DOCK3: variants seen among roughly 807,000 people sequenced by gnomAD.
DOCK3 encodes dedicator of cytokinesis protein 3.
Under a neutral mutation model 265.6 loss-of-function variants are expected in DOCK3, and 60 were observed. That is an observed-to-expected ratio of 0.23 (90% CI 0.18 to 0.28). The LOEUF is 0.28. DOCK3 is among the 10% of genes least tolerant of loss of function. The pLI is 1.00. For synonymous variants in DOCK3, 881 were observed against 938.0 expected (o/e 0.94, Z 1.11); for missense variants, 1,981 against 2,594.3 (o/e 0.76, Z 5.14).
intron 5 of DOCK3, among the ~76,000 whole-genome samples, chr3:51,033,082 A>G: frequency 6.6e-6 from 1 of 152,156 alleles, no homozygotes; most frequent in Non-Finnish European, 1.5e-5. Flanking sequence ...CCCTTTAAAG[A>G]TTTTTTAAGA....
intron 5 of DOCK3, among the ~76,000 whole-genome samples, chr3:50,974,581 C>T (rs1302475869): frequency 2.7e-5 from 4 of 150,622 alleles, no homozygotes; most frequent in Non-Finnish European, 1.5e-5. Flanking sequence ...TGTGATGTCT[C>T]CAGCTTTGTT....
chr3:50,700,368 C>G (rs2035956880), intron 1 of DOCK3, among the ~76,000 whole-genome samples: 1 of 152,230 alleles, frequency 6.6e-6, no homozygotes, highest in Non-Finnish European at 1.5e-5. Context: ...CTGTCCAGTG[C>G]TAGAACTTAT....
chr3:51,186,518 G>T (rs990144893), intron 12 of DOCK3, among the ~76,000 whole-genome samples: 2 of 152,236 alleles, frequency 1.3e-5, no homozygotes, highest in African/African-American at 4.8e-5. Context: ...ATTTGCATAA[G>T]TAATGAGGAG....
intron 12 of DOCK3, among the ~76,000 whole-genome samples, chr3:51,173,170 G>A (rs1456317021): frequency 6.6e-6 from 1 of 152,020 alleles, no homozygotes; most frequent in East Asian, 1.9e-4. Context: ...ACCCAGGCTG[G>A]AGCACAGTGG....
At chr3:50,691,955 G>A (rs547366304) in intron 1 of DOCK3, among the ~76,000 whole-genome samples, 2 of 145,458 alleles carry the variant, frequency 1.4e-5, no homozygotes, top group African/African-American at 2.6e-5. Context: ...TTGCTCTGTC[G>A]CCAGGCTGGA....
chr3:50,977,396 C>T (rs1258805399), intron 5 of DOCK3, among the ~76,000 whole-genome samples: 1 of 152,004 alleles, frequency 6.6e-6, no homozygotes, highest in East Asian at 1.9e-4. Context: ...TTCTCCTTCA[C>T]TTATGAAGCT....
At chr3:51,041,177 TATATATATATATATATATATATATA>T (rs1559977340) in intron 5 of DOCK3, among the ~76,000 whole-genome samples, 11 of 11,330 alleles carry the variant, frequency 9.7e-4, no homozygotes, top group African/African-American at 3.2e-3. Context: ...TATATATATA[TATATATATATATATATATATATATA>T]TATTTTTTTT....
At chr3:51,099,639 C>A (rs2083001702) in intron 9 of DOCK3, among the ~76,000 whole-genome samples, 1 of 152,178 alleles carries the variant, frequency 6.6e-6, no homozygotes, top group Non-Finnish European at 1.5e-5. Context: ...TATTTATGCA[C>A]CAAATGTTTA....
intron 1 of DOCK3, among the ~76,000 whole-genome samples, chr3:50,689,951 T>G (rs1016816227): frequency 6.6e-6 from 1 of 152,188 alleles, no homozygotes; most frequent in Admixed American, 6.5e-5. Flanking sequence ...TGTCTCTAGA[T>G]GTACAAAAAT....
intron 12 of DOCK3, among the ~76,000 whole-genome samples, chr3:51,188,667 A>G (rs1024460830): frequency 6.6e-6 from 1 of 152,142 alleles, no homozygotes; most frequent in Non-Finnish European, 1.5e-5. Flanking sequence ...TAGTTCCCAC[A>G]TGTAAGTGAG....
At chr3:50,861,870 TA>T (rs1553686378) in intron 3 of DOCK3, among the ~76,000 whole-genome samples, 1 of 151,414 alleles carries the variant, frequency 6.6e-6, no homozygotes, top group Non-Finnish European at 1.5e-5. Flanking sequence ...TTTTTTTTTT[TA>T]AATACAAATT....
chr3:50,724,391 C>T (rs1036219894), intron 1 of DOCK3, among the ~76,000 whole-genome samples: 1 of 152,140 alleles, frequency 6.6e-6, no homozygotes, highest in Non-Finnish European at 1.5e-5. Flanking sequence ...CACATGCACA[C>T]GTATGTTTAT....
chr3:50,923,711 A>C (rs924200539), intron 4 of DOCK3, among the ~76,000 whole-genome samples: 5 of 152,228 alleles, frequency 3.3e-5, no homozygotes, highest in Admixed American at 6.5e-5. Context: ...ACCTGGTCAC[A>C]GAAATTAATT....
At chr3:51,273,835 A>G (rs2080651944) in intron 24 of DOCK3, among the ~76,000 whole-genome samples, 1 of 152,238 alleles carries the variant, frequency 6.6e-6, no homozygotes, top group African/African-American at 2.4e-5. Flanking sequence ...CATGCTAGCC[A>G]GATATGATGG....
At chr3:50,869,560 T>C (rs1323614663) in intron 3 of DOCK3, among the ~76,000 whole-genome samples, 1 of 151,364 alleles carries the variant, frequency 6.6e-6, no homozygotes, top group Non-Finnish European at 1.5e-5. Context: ...TTGGTAGAGA[T>C]GGGGTTTTGC....
At chr3:50,871,326 A>T (rs2047421255) in intron 3 of DOCK3, among the ~76,000 whole-genome samples, 1 of 151,476 alleles carries the variant, frequency 6.6e-6, no homozygotes, top group South Asian at 2.1e-4. Context: ...CAGCACTTTA[A>T]ATATGTTATG....
chr3:50,750,740 C>T (rs2039747766), intron 1 of DOCK3, among the ~76,000 whole-genome samples: 1 of 152,048 alleles, frequency 6.6e-6, no homozygotes, highest in Non-Finnish European at 1.5e-5. Context: ...TTATTCATGG[C>T]CAGTTTTGTG....
At chr3:51,023,344 T>G (rs1335956858) in intron 5 of DOCK3, among the ~76,000 whole-genome samples, 1 of 152,170 alleles carries the variant, frequency 6.6e-6, no homozygotes, top group East Asian at 1.9e-4. Flanking sequence ...TTGTTGAAAC[T>G]TTCCACTGCA....
chr3:51,272,498 A>G (rs1187414138), intron 24 of DOCK3, among the ~76,000 whole-genome samples: 1 of 144,746 alleles, frequency 6.9e-6, no homozygotes, highest in Non-Finnish European at 1.5e-5. Flanking sequence ...CATATTGGCC[A>G]GGCTGGTCTC....
Sources: allele counts gnomAD v4.1 joint callset (sites outside exome capture counted in the v4.1 genomes callset), GRCh38; gene constraint gnomAD v4.1.1; transcripts MANE v1.5; gene names NCBI Gene and HGNC (gene_info 2026-07-23, HGNC 2026-07-21).